KCNAB1: variants seen among roughly 807,000 people sequenced by gnomAD.
The protein encoded by KCNAB1 is potassium voltage-gated channel subfamily A regulatory beta subunit 1.
In KCNAB1, 35 loss-of-function variants were observed where a neutral mutation model predicts 64.6. The ratio of observed to expected loss-of-function variants is 0.54; its 90% confidence interval spans 0.41 to 0.72. KCNAB1 has a LOEUF of 0.72. Ranked by LOEUF, KCNAB1 falls within the 30% of genes least tolerant of loss-of-function variation. The pLI, the probability that KCNAB1 is intolerant of heterozygous loss-of-function variation, is 0.00. For synonymous variants in KCNAB1, 177 were observed against 183.8 expected (o/e 0.96, Z 0.30); for missense variants, 401 against 512.9 (o/e 0.78, Z 2.11).
intron 1 of KCNAB1, among the ~76,000 whole-genome samples, chr3:156,131,265 C>T (rs73026694): frequency 0.015 from 2,325 of 152,286 alleles, 76 homozygotes; most frequent in African/African-American, 0.054. Flanking sequence ...GTTGAAACAA[C>T]AGCTTTCCCC....
At chr3:156,154,743 C>T (rs537966391) in intron 1 of KCNAB1, among the ~76,000 whole-genome samples, 1 of 152,278 alleles carries the variant, frequency 6.6e-6, no homozygotes, top group South Asian at 2.1e-4. Flanking sequence ...TGGCAAGACC[C>T]TGGCCCATTT....
At chr3:156,431,503 A>C (rs1182533610) in intron 2 of KCNAB1, among the ~76,000 whole-genome samples, 1 of 152,200 alleles carries the variant, frequency 6.6e-6, no homozygotes, top group Non-Finnish European at 1.5e-5. Context: ...GCAGGCAGTC[A>C]TCTCTGAAAG....
intron 2 of KCNAB1, among the ~76,000 whole-genome samples, chr3:156,446,499 T>C (rs573381476): frequency 9.5e-4 from 144 of 152,352 alleles, no homozygotes; most frequent in African/African-American, 3.4e-3. Flanking sequence ...CTCTCAATTA[T>C]GACTACATTT....
intron 1 of KCNAB1, among the ~76,000 whole-genome samples, chr3:156,238,172 C>T (rs1267994353): frequency 1.3e-5 from 2 of 152,066 alleles, no homozygotes; most frequent in Non-Finnish European, 2.9e-5. Context: ...GCCTGTAATC[C>T]CAGCATTTTG....
intron 1 of KCNAB1, among the ~76,000 whole-genome samples, chr3:156,156,348 G>A (rs1057460424): frequency 6.6e-6 from 1 of 152,160 alleles, no homozygotes; most frequent in African/African-American, 2.4e-5. Flanking sequence ...GGAAGCTTTT[G>A]TGAATACTGA....
intron 1 of KCNAB1, among the ~76,000 whole-genome samples, chr3:156,198,307 C>G (rs1281477047): frequency 1.3e-5 from 2 of 152,088 alleles, no homozygotes; most frequent in African/African-American, 4.8e-5. Context: ...ATTAGGTCTG[C>G]TTGGTTCAGA....
intron 13 of KCNAB1, among the ~76,000 whole-genome samples, chr3:156,535,205 C>T (rs1041639508): frequency 2.2e-4 from 33 of 152,144 alleles, no homozygotes; most frequent in African/African-American, 8.0e-4. Context: ...TCTATTTTGC[C>T]AAACCCTAAG....
intron 1 of KCNAB1, among the ~76,000 whole-genome samples, chr3:156,363,930 T>A (rs1322730690): frequency 6.6e-6 from 1 of 152,246 alleles, no homozygotes; most frequent in Admixed American, 6.5e-5. Flanking sequence ...ATTTCCACTG[T>A]AGCCACTAAA....
chr3:156,383,134 G>T (rs1443591008), intron 1 of KCNAB1, among the ~76,000 whole-genome samples: 1 of 152,214 alleles, frequency 6.6e-6, no homozygotes, highest in Non-Finnish European at 1.5e-5. Flanking sequence ...TGCAAAATAG[G>T]CAGTGTGAAG....
chr3:156,305,988 CTT>C (rs1721466736), intron 1 of KCNAB1, among the ~76,000 whole-genome samples: 1 of 152,126 alleles, frequency 6.6e-6, no homozygotes, highest in South Asian at 2.1e-4. Context: ...TCACTTGATC[CTT>C]TACAAAGAGG....
chr3:156,320,887 C>T lies in KCNAB1; in HGVS notation c.276-100729C>T, dbSNP rs79173235. ...AATAAGTCAGCACAAGTGCCTGGCC[C>T]AGCACAAGTGCTTGCTTGTCTACTT... On this transcript the variant is annotated intron_variant, in intron 1 of 13. Transcript: ENST00000490337. Among the ~76,000 whole-genome samples, 1,179 of 151,724 alleles carry T rather than the reference C, an allele frequency of 7.8e-3. 10 individuals carry two copies. Among genetic ancestry groups the T allele is most frequent in the African/African-American group, 0.027 (1,129 of 41,164 alleles).
chr3:156,465,582 A>G, intron 6 of KCNAB1, 61 bp from the exon 7 acceptor site: 1 of 1,470,734 alleles, frequency 6.8e-7, no homozygotes, highest in Non-Finnish European at 9.5e-7. Context: ...CAGACCAGAG[A>G]TTTAGAGAAG....
chr3:156,231,563 C>T (rs1716533463), intron 1 of KCNAB1, among the ~76,000 whole-genome samples: 1 of 145,430 alleles, frequency 6.9e-6, no homozygotes, highest in Admixed American at 7.1e-5. Context: ...TCCTTCCTTC[C>T]TTCCTAGCTC....
intron 1 of KCNAB1, among the ~76,000 whole-genome samples, chr3:156,279,277 C>A (rs1461756539): frequency 1.3e-5 from 2 of 151,706 alleles, no homozygotes; most frequent in Non-Finnish European, 2.9e-5. Flanking sequence ...TCATCCATGT[C>A]CCTACAAAGG....
chr3:156,304,954 T>C lies in KCNAB1; in HGVS notation c.276-116662T>C, dbSNP rs190921384. Among the ~76,000 whole-genome samples, 488 of 152,258 alleles carry C rather than the reference T, an allele frequency of 3.2e-3. 5 individuals are homozygous for C. The highest frequency in any genetic ancestry group is 3.4e-3 in the Non-Finnish European group (232 of 68,020). ...AATTTATATCGAGTATGTGAATGTG[T>C]GTGTGATGTGCGCTAAGGTGCACAC... On this transcript the variant is annotated intron_variant, in intron 1 of 13. Coordinates refer to ENST00000490337, the MANE Select transcript of KCNAB1 (RefSeq NM_172160.3).
chr3:156,129,933 C>T (rs932721728), intron 1 of KCNAB1, among the ~76,000 whole-genome samples: 1 of 152,158 alleles, frequency 6.6e-6, no homozygotes, highest in Non-Finnish European at 1.5e-5. Context: ...TAACATGGAC[C>T]AAACGCCTTG....
chr3:156,307,770 T>C (rs1030402346), intron 1 of KCNAB1, among the ~76,000 whole-genome samples: 2 of 152,190 alleles, frequency 1.3e-5, no homozygotes, highest in African/African-American at 4.8e-5. Flanking sequence ...ACTATTGTTA[T>C]TAAAACTTTT....
At chr3:156,397,872 A>C (rs1713579596) in intron 1 of KCNAB1, among the ~76,000 whole-genome samples, 1 of 152,220 alleles carries the variant, frequency 6.6e-6, no homozygotes, top group African/African-American at 2.4e-5. Flanking sequence ...AAATATATTT[A>C]TTCAGCTCCC....
intron 1 of KCNAB1, among the ~76,000 whole-genome samples, chr3:156,334,465 T>TA (rs5853748): frequency 0.36 from 54,453 of 152,032 alleles, 12,022 homozygotes; most frequent in African/African-American, 0.63. Flanking sequence ...CATATGGACC[T>TA]GGGGCAAAAC....
Sources: allele counts gnomAD v4.1 joint callset (sites outside exome capture counted in the v4.1 genomes callset), GRCh38; gene constraint gnomAD v4.1.1; transcripts MANE v1.5; gene names NCBI Gene and HGNC (gene_info 2026-07-23, HGNC 2026-07-21).